The following SH3D21 variants were observed in gnomAD, a reference collection of about 807,000 sequenced individuals.
The protein encoded by SH3D21 is manchette microtubule inner protein 1.
Under a neutral mutation model 82.1 loss-of-function variants are expected in SH3D21, and 83 were observed. The observed-to-expected ratio is 1.01, with a 90% confidence interval of 0.85 to 1.21. The LOEUF is 1.21. SH3D21 is among the 50% of genes most tolerant of loss of function. SH3D21 has a pLI of 0.00. For missense variants in SH3D21, 980 were observed against 962.1 expected (o/e 1.02, Z -0.25); for synonymous variants, 383 against 387.8 (o/e 0.99, Z 0.15).
intron 10 of SH3D21, among the ~76,000 whole-genome samples, chr1:36,318,840 C>A (rs1646388723): frequency 6.6e-6 from 1 of 151,278 alleles, no homozygotes; most frequent in South Asian, 2.1e-4. Flanking sequence ...ACCAGGGAGG[C>A]AGAGCTTGCA....
At chr1:36,323,832 G>A (rs942159033), downstream of SH3D21, 8 of 152,272 alleles carry the variant, frequency 5.3e-5, no homozygotes, top group African/African-American at 1.9e-4. Flanking sequence ...ACAACAGAGA[G>A]GCTGGAGCTC....
chr1:36,307,166 G>A lies in SH3D21; in HGVS notation c.227-1G>A. The A allele has an allele frequency of 6.4e-7, 1 of 1,551,602 alleles. No homozygotes were observed. Among genetic ancestry groups the A allele is most frequent in the Non-Finnish European group, 8.7e-7 (1 of 1,146,956 alleles). On this transcript the variant is annotated splice_acceptor_variant, in intron 3 of 15. Coordinates refer to ENST00000453908, the MANE Select transcript of SH3D21 (RefSeq NM_001162530.2). LOFTEE classifies it high-confidence loss of function. The surrounding 1 kb of genome is among the most constrained non-coding windows in gnomAD (Gnocchi z 5.4). ...GCTCAGCCGCGCTTGTCCGGTGCTA[G>A]GTCATCCTGCCAAACACCCGAGGCC...
At position 36,307,629 on chromosome 1, in the gene SH3D21, C is replaced by T; in HGVS notation, c.436+22C>T. The T allele has an allele frequency of 1.3e-6, 2 of 1,550,422 alleles. No homozygotes were observed. Among genetic ancestry groups the T allele is most frequent in the East Asian group, 2.4e-5 (1 of 40,910 alleles). ...CCAAGTGAGACCTCGACTCTGTGACCCTGTGACTCGCAATCTCCAATGACC... is the reference window on the plus strand; with the variant it reads ...CCAAGTGAGACCTCGACTCTGTGACTCTGTGACTCGCAATCTCCAATGACC... On this transcript the variant is annotated intron_variant, in intron 5 of 15. Coordinates refer to ENST00000453908, the MANE Select transcript of SH3D21 (RefSeq NM_001162530.2). The surrounding 1 kb of genome is among the most constrained non-coding windows in gnomAD (Gnocchi z 5.4).
At chr1:36,323,016 T>C (rs1233797719), downstream of SH3D21, 12 of 1,599,704 alleles carry the variant, frequency 7.5e-6, no homozygotes, top group Non-Finnish European at 1.0e-5. Flanking sequence ...AGCAACTCCA[T>C]GTCCCTTCGC....
chr1:36,322,844 T>C, downstream of SH3D21: 1 of 1,493,036 alleles, frequency 6.7e-7, no homozygotes, highest in South Asian at 1.2e-5. Flanking sequence ...TCGAAGGGCA[T>C]TAGGGAACCG....
In SH3D21 at chr1:36,306,825, C is replaced by A; in HGVS notation, c.163-17C>A. On this transcript the variant is annotated splice_polypyrimidine_tract_variant and intron_variant, in intron 2 of 15. Coordinates refer to ENST00000453908, the MANE Select transcript of SH3D21 (RefSeq NM_001162530.2). The surrounding 1 kb of genome is among the most constrained non-coding windows in gnomAD (Gnocchi z 4.5). Reference sequence around the variant, plus strand: ...CCCCGGGAGCTGAGAGCGCCTTCCCCGTGCCCTGATTCCCAGGAGATCCCA... The same window carrying A: ...CCCCGGGAGCTGAGAGCGCCTTCCCAGTGCCCTGATTCCCAGGAGATCCCA... 1 of 1,295,354 alleles carries A rather than the reference C, an allele frequency of 7.7e-7. No homozygotes were observed. The highest frequency in any genetic ancestry group is 1.0e-6 in the Non-Finnish European group (1 of 989,274). 80.2% of individuals were successfully genotyped at this position (1,295,354 alleles called of 1,614,324 possible).
Position 36,321,220 on chromosome 1 carries a change from C to T in SH3D21, c.*93C>T, listed in dbSNP as rs959700169. 402 of 1,512,672 alleles carry T rather than the reference C, an allele frequency of 2.7e-4. 5 individuals are homozygous for T. The highest frequency in any genetic ancestry group is 3.5e-5 in the Non-Finnish European group (39 of 1,129,822). 93.7% of individuals were successfully genotyped at this position (1,512,672 alleles called of 1,614,324 possible). Reference sequence around the variant, plus strand: ...GGGAAACGCGAGAAAGTAAACTCTGCCTAGCACGGCGCCACGCCGGTCTGG... The same window carrying T: ...GGGAAACGCGAGAAAGTAAACTCTGTCTAGCACGGCGCCACGCCGGTCTGG... On this transcript the variant is annotated 3_prime_UTR_variant, in exon 16 of 16. Coordinates refer to ENST00000453908, the MANE Select transcript of SH3D21 (RefSeq NM_001162530.2). This position sits in a 1 kb window ranked among gnomAD's most constrained non-coding sequence, Gnocchi z 6.1.
chr1:36,309,519 T>C (rs768896146), intron 9 of SH3D21, 29 bp from the exon 10 acceptor site: 30 of 1,551,156 alleles, frequency 1.9e-5, no homozygotes, highest in Non-Finnish European at 2.6e-5. Context: ...AGATTAAGGA[T>C]GCTCAACCTT....
chr1:36,323,074 GGTCAGCA>G, downstream of SH3D21: 1 of 1,591,388 alleles, frequency 6.3e-7, no homozygotes, highest in Non-Finnish European at 8.5e-7. Flanking sequence ...CAGCCTGCGA[GGTCAGCA>G]AAGTCAGATC....
In SH3D21 at chr1:36,321,326, C is replaced by G. The variant is rs1368388165; in HGVS notation, c.*199C>G. 3.5e-6 allele frequency: 5 copies of G among 1,429,986 alleles called. No homozygotes were observed. The highest frequency in any genetic ancestry group is 4.6e-6 in the Non-Finnish European group (5 of 1,096,436). The allele number at this position is 1,429,986 out of a possible 1,614,324, so 88.6% of individuals were successfully genotyped here. A position where few individuals can be genotyped will look rare whatever the true frequency, so the allele number is the denominator to read the frequency against. On this transcript the variant is annotated 3_prime_UTR_variant, in exon 16 of 16. Coordinates refer to ENST00000453908, the MANE Select transcript of SH3D21 (RefSeq NM_001162530.2). The surrounding 1 kb of genome is among the most constrained non-coding windows in gnomAD (Gnocchi z 6.1). ...GTCCCTCCCAGGCACATCTGGCCAA[C>G]ATGTGGCTCCCATTACCGTTCCCAA...
rs1646174500 is a variant in SH3D21 at position 36,308,423 on chromosome 1, G to A, written c.674G>A (p.Cys225Tyr). The A allele has an allele frequency of 6.4e-7, 1 of 1,551,942 alleles. No homozygotes were observed. The highest frequency in any genetic ancestry group is 2.0e-5 in the Admixed American group (1 of 51,004). Residue 225 changes from cysteine to tyrosine, a missense_variant, in exon 9 of 16, where the codon TGT (cysteine) becomes TAT (tyrosine). Coordinates refer to ENST00000453908, the MANE Select transcript of SH3D21 (RefSeq NM_001162530.2). Reference protein sequence around the residue: ...TEDKGWWEGECQGRRGVFPDN... With the variant: ...TEDKGWWEGEYQGRRGVFPDN... The stretch of plus-strand genomic sequence containing the variant: ...GATAAGGGCTGGTGGGAAGGAGAGT[G>A]TCAAGGACGAAGAGGAGTTTTTCCA...
In SH3D21 at chr1:36,307,181, C is replaced by A. The variant is rs1284903133; in HGVS notation, c.241C>A (p.His81Asn). 7 of 1,551,742 alleles carry A rather than the reference C, an allele frequency of 4.5e-6. No individual in the cohort carries two copies. The highest frequency in any genetic ancestry group is 6.1e-6 in the Non-Finnish European group (7 of 1,146,988). ...TCCGGTGCTAGGTCATCCTGCCAAACACCCGAGGCCCCAAAGATGGTGCAA... is the reference window on the plus strand; with the variant it reads ...TCCGGTGCTAGGTCATCCTGCCAAAAACCCGAGGCCCCAAAGATGGTGCAA... ...CARRRGHPAK[H>N]PRPQRWCKVN... Residue 81 changes from histidine to asparagine, a missense_variant, in exon 4 of 16, where the codon CAC becomes AAC. By Grantham distance (68) the His-to-Asn change is moderately conservative. Transcript: ENST00000453908. The surrounding 1 kb of genome is among the most constrained non-coding windows in gnomAD (Gnocchi z 5.4).
At chr1:36,308,232 G>A in intron 8 of SH3D21, 23 bp downstream of exon 8, 1 of 1,514,402 alleles carries the variant, frequency 6.6e-7, no homozygotes, top group Non-Finnish European at 8.9e-7. Flanking sequence ...CAGGGTGGGG[G>A]GGCCCAGGGA....
chr1:36,322,670 C>T, downstream of SH3D21: 1 of 1,547,080 alleles, frequency 6.5e-7, no homozygotes. Context: ...AGAGGGTGAG[C>T]AGCAGGCCGA....
chr1:36,310,379 C>T (rs1457313921), intron 10 of SH3D21, among the ~76,000 whole-genome samples: 1 of 152,080 alleles, frequency 6.6e-6, no homozygotes, highest in East Asian at 1.9e-4. Context: ...TTTGGGAGGC[C>T]AAGTCAAGTG....
chr1:36,323,429 A>T, downstream of SH3D21: 1 of 162,426 alleles, frequency 6.2e-6, no homozygotes, highest in Non-Finnish European at 1.3e-5. Context: ...CCCCGCGGGG[A>T]CCCACCGGCC....
downstream of SH3D21, chr1:36,323,844 G>T (rs1228814924): frequency 2.0e-5 from 3 of 152,250 alleles, no homozygotes; most frequent in Non-Finnish European, 2.9e-5. Context: ...CTGGAGCTCT[G>T]CCTGCGTGCG....
chr1:36,306,860 C>G lies in SH3D21; in HGVS notation c.181C>G (p.Arg61Gly). 7.7e-7 allele frequency: 1 copy of G among 1,297,628 alleles called. No homozygotes were observed. The highest frequency in any genetic ancestry group is 1.0e-6 in the Non-Finnish European group (1 of 992,682). The allele number at this position is 1,297,628 out of a possible 1,614,324, so 80.4% of individuals were successfully genotyped here. The part of the protein sequence containing the change: ...RLVQEIPETL[R>G]GSGEARRPRC... The stretch of plus-strand genomic sequence containing the variant: ...TTCCCAGGAGATCCCAGAGACCCTG[C>G]GGGGCTCCGGAGAGGCGCGGAGGCC... Residue 61 changes from arginine to glycine, a missense_variant, in exon 3 of 16, where the codon CGG becomes GGG. Arg to Gly is a moderately radical substitution (Grantham distance 125). Coordinates refer to ENST00000453908, the MANE Select transcript of SH3D21 (RefSeq NM_001162530.2). This position sits in a 1 kb window ranked among gnomAD's most constrained non-coding sequence, Gnocchi z 4.5.
intron 10 of SH3D21, among the ~76,000 whole-genome samples, chr1:36,313,972 C>CTTTTTTTTT (rs767624105): frequency 0.011 from 420 of 36,802 alleles, 178 homozygotes; most frequent in South Asian, 0.048. Flanking sequence ...AACATATTTT[C>CTTTTTTTTT]TTTTTTTTTT....
Sources: gnomAD v4.1 joint callset for allele counts (sites outside exome capture counted in the v4.1 genomes callset) on GRCh38, gnomAD v4.1.1 for gene constraint, Gnocchi (gnomAD v3.1) non-coding constraint, MANE v1.5 for transcripts, NCBI Gene and HGNC (gene_info 2026-07-23, HGNC 2026-07-21) for gene names.